Variants in MYH4 observed in about 807,000 individuals in gnomAD.
MYH4 encodes myosin-4.
A neutral mutation model predicts 229.9 loss-of-function variants in MYH4; 200 were observed. The ratio of observed to expected loss-of-function variants is 0.87; its 90% CI spans 0.78 to 0.98. The LOEUF is 0.98. Among genes scored for constraint, MYH4 ranks in the 50% least tolerant of loss-of-function variants. The pLI is 0.00. For synonymous variants in MYH4, 761 were observed against 834.6 expected, an observed-to-expected ratio of 0.91 and a Z score of 1.52; for missense variants, 2,148 against 2,332.6, an observed-to-expected ratio of 0.92 and a Z score of 1.63.
Position 10,449,016 on chromosome 17 carries a change from C to T in MYH4, c.4213G>A (p.Glu1405Lys). The change falls in exon 31 of 40, where the codon GAA becomes AAA. Residue 1405 changes from glutamate to lysine, a missense_variant. Glu to Lys is a moderately conservative substitution (Grantham distance 56). Coordinates refer to ENST00000255381, the MANE Select transcript of MYH4 (RefSeq NM_017533.2). The part of the protein sequence containing the change: ...KKLAQRLQDA[E>K]EHVEAVNSKC... ...GAATTCACAGCTTCTACATGTTCTT[C>T]TGCATCCTGCAGACGCTGGGCTAGC... 6.2e-7 allele frequency: 1 copy of T among 1,614,136 alleles called. No homozygotes were observed. Among genetic ancestry groups the T allele is most frequent in the Non-Finnish European group, 8.5e-7 (1 of 1,180,020 alleles).
Position 10,453,270 on chromosome 17 carries a change from T to C in MYH4, c.2993A>G (p.Lys998Arg), listed in dbSNP as rs747202653. 5.5e-5 allele frequency: 89 copies of C among 1,613,974 alleles called. No homozygotes were observed. In the South Asian group the frequency reaches 9.3e-4, roughly 17 times the overall value. ...GLDETIAKLT[K>R]EKKALQEAHQ... Reference sequence around the variant, plus strand: ...GGCCTCCTGGAGAGCCTTCTTCTCCTTGGTCAGCTTAGCAATGGTTTCATC... The same window carrying C: ...GGCCTCCTGGAGAGCCTTCTTCTCCCTGGTCAGCTTAGCAATGGTTTCATC... Residue 998 changes from lysine to arginine, a missense_variant, in exon 24 of 40, where the codon AAG (lysine) becomes AGG (arginine). Transcript: ENST00000255381.
In MYH4 at chr17:10,448,260, T is replaced by C. The variant is rs73275420; in HGVS notation, c.4657-134A>G. ...CTTAATGTAGCCTATTAGCTCTGCA[T>C]TCTCAAGGTACAATTCAGTATTTTT... On this transcript the variant is annotated intron_variant, in intron 33 of 39. Transcript: ENST00000255381. The C allele has an allele frequency of 3.8e-3, 4,985 of 1,311,580 alleles. 152 individuals carry two copies. In the African/African-American group the frequency reaches 0.066, roughly 17 times the overall value. The allele number at this position is 1,311,580 out of a possible 1,614,324, so 81.2% of individuals were successfully genotyped here. A position where few individuals can be genotyped will look rare whatever the true frequency, so the allele number is the denominator to read the frequency against.
At position 10,448,731 on chromosome 17, in the gene MYH4, G is replaced by T. The variant is rs774759925; in HGVS notation, c.4418C>A (p.Ala1473Asp). Residue 1473 changes from alanine (A) to aspartate (D), a missense_variant, in exon 32 of 40, where the codon GCC becomes GAC. Physicochemically the swap from Ala to Asp is moderately radical, Grantham distance 126. Coordinates refer to ENST00000255381, the MANE Select transcript of MYH4 (RefSeq NM_017533.2). ...GAGAGAACGCGACTCCTTCTGGGAG[G>T]CCTCAAGTTCAGCCTGAGTTTCCTC... is the stretch of plus-strand genomic sequence containing the variant. ...KYEETQAELEASQKESRSLST... is the reference protein window; with the variant it reads ...KYEETQAELEDSQKESRSLST... 1.2e-6 allele frequency: 2 copies of T among 1,614,072 alleles called. No homozygotes were observed. The highest frequency in any genetic ancestry group is 1.7e-6 in the Non-Finnish European group (2 of 1,180,006).
In MYH4 at chr17:10,460,146, A is replaced by T. The variant is rs1376790092; in HGVS notation, c.1267-45T>A. On this transcript the variant is annotated intron_variant, in intron 13 of 39. Coordinates refer to ENST00000255381, the MANE Select transcript of MYH4 (RefSeq NM_017533.2). ...TTAGTTTTTTAAATTGAAAACAGTG[A>T]TGAACTCCTGAGTCACTTGCGGTTC... 2.5e-6 allele frequency: 4 copies of T among 1,613,752 alleles called. No individual in the cohort carries two copies. In the African/African-American group the frequency reaches 5.3e-5, roughly 22 times the overall value.
intron 35 of MYH4, among the ~76,000 whole-genome samples, chr17:10,446,790 A>T (rs2072516175): frequency 1.3e-5 from 2 of 152,316 alleles, no homozygotes; most frequent in South Asian, 4.1e-4. Flanking sequence ...TTTAAATAAA[A>T]GTTTCTAGAA....
chr17:10,452,842 C>T lies in MYH4; in HGVS notation c.3202G>A (p.Glu1068Lys), dbSNP rs2072593263. 2 of 1,609,224 alleles carry T rather than the reference C, an allele frequency of 1.2e-6. No homozygotes were observed. The highest frequency in any genetic ancestry group is 8.5e-7 in the Non-Finnish European group (1 of 1,179,270). The change falls in exon 25 of 40, where the codon GAA (glutamate) becomes AAA (lysine). Residue 1068 changes from glutamate (E) to lysine (K), a missense_variant. By Grantham distance (56) the Glu-to-Lys change is moderately conservative. Coordinates refer to ENST00000255381, the MANE Select transcript of MYH4 (RefSeq NM_017533.2). ...KLEGDLKLAQ[E>K]STMDTENDKQ... ...TCATTTTCTGTATCCATTGTGGATT[C>T]TTGGGCCAATTTTAGGTCACCCTCC...
Position 10,460,241 on chromosome 17 carries a change from C to G in MYH4, c.1228G>C (p.Gly410Arg), listed in dbSNP as rs371420534. 6.2e-7 allele frequency: 1 copy of G among 1,613,924 alleles called. No homozygotes were observed. Among genetic ancestry groups the G allele is most frequent in the African/African-American group, 1.3e-5 (1 of 74,908 alleles). ...KSLCYPRVKV[G>R]NEFVTKGQTV... ...TGGCCTTTGGTTACGAACTCATTGC[C>G]GACCTTGACTCTGGGATAGCAGAGA... Residue 410 changes from glycine to arginine, a missense_variant, in exon 13 of 40, where the codon GGC becomes CGC. Transcript: ENST00000255381.
Position 10,463,566 on chromosome 17 carries a change from G to A in MYH4, c.726C>T (p.Asp242=). Residue 242 remains aspartate, a synonymous_variant, in exon 8 of 40, where the codon GAC becomes GAT. Transcript: ENST00000255381. ...AFGNAKTVRN[D]NSSRFGKFIR... is the part of the protein sequence containing the mutation. ...AGAGACTTACAAAGCGAGAGGAGTT[G>A]TCATTCCTCACGGTCTTGGCATTGC... 6.2e-7 allele frequency: 1 copy of A among 1,612,712 alleles called. No homozygotes were observed. Among genetic ancestry groups the A allele is most frequent in the Non-Finnish European group, 8.5e-7 (1 of 1,178,690 alleles).
At chr17:10,450,255 G>C (rs560669312) in intron 30 of MYH4, among the ~76,000 whole-genome samples, 198 bp downstream of exon 30, 2 of 152,128 alleles carry the variant, frequency 1.3e-5, no homozygotes, top group Admixed American at 1.3e-4. Context: ...ATGGGTGGAG[G>C]GATCTGGTCT....
At position 10,450,898 on chromosome 17, in the gene MYH4, G is replaced by C. The variant is rs766445295; in HGVS notation, c.3866-3C>G. 2.5e-6 allele frequency: 4 copies of C among 1,602,944 alleles called. No individual in the cohort carries two copies. The highest frequency in any genetic ancestry group is 2.6e-6 in the Non-Finnish European group (3 of 1,170,140). Reference sequence around the variant, plus strand: ...ATCTAGCTGTCGTGAAAACTCACCTGTGGAAGACAAAACATCAATGATTTA... The same window carrying C: ...ATCTAGCTGTCGTGAAAACTCACCTCTGGAAGACAAAACATCAATGATTTA... On this transcript the variant is annotated splice_region_variant and splice_polypyrimidine_tract_variant and intron_variant, in intron 28 of 39. Coordinates refer to ENST00000255381, the MANE Select transcript of MYH4 (RefSeq NM_017533.2).
At chr17:10,450,721 A>C (rs2072563514) in intron 29 of MYH4, 56 bp downstream of exon 29, 1 of 1,610,004 alleles carries the variant, frequency 6.2e-7, no homozygotes, top group Admixed American at 1.7e-5. Context: ...AAAGTTCAAT[A>C]GTGTGTTATG....
chr17:10,460,108 C>G lies in MYH4; in HGVS notation c.1267-7G>C. ...CACCCACTGCATTGTACACCTTCAA[C>G]AGAAGTGATAGTTTAGTTTTTTAAA... is the stretch of plus-strand genomic sequence containing the variant. On this transcript the variant is annotated splice_region_variant and splice_polypyrimidine_tract_variant and intron_variant, in intron 13 of 39. Transcript: ENST00000255381. 1 of 1,614,194 alleles carries G rather than the reference C, an allele frequency of 6.2e-7. No homozygotes were observed. The highest frequency in any genetic ancestry group is 1.1e-5 in the South Asian group (1 of 91,090).
At position 10,450,820 on chromosome 17, in the gene MYH4, T is replaced by C; in HGVS notation, c.3941A>G (p.Gln1314Arg). Residue 1314 changes from glutamine (Q) to arginine (R), a missense_variant, in exon 29 of 40, where the codon CAA becomes CGA. Physicochemically the swap from Gln to Arg is conservative, Grantham distance 43. Coordinates refer to ENST00000255381, the MANE Select transcript of MYH4 (RefSeq NM_017533.2). ...QLSRGKQAFT[Q>R]QIEELKRQLE... ...CTGCCTCTTTAATTCTTCAATCTGT[T>C]GTGTAAATGCTTGTTTGCCTCGGGA... 1.2e-6 allele frequency: 2 copies of C among 1,614,156 alleles called. No individual in the cohort carries two copies. The highest frequency in any genetic ancestry group is 1.7e-6 in the Non-Finnish European group (2 of 1,180,004).
Position 10,464,714 on chromosome 17 carries a change from A to C in MYH4, c.506-6T>G, listed in dbSNP as rs750196142. On this transcript the variant is annotated splice_polypyrimidine_tract_variant and splice_region_variant and intron_variant, in intron 5 of 39. Transcript: ENST00000255381. Reference sequence around the variant, plus strand: ...GATTGACTGGTTTTCACGATCTGTAAAAGAGAAGCCAAAGATAATATTTAG... The same window carrying C: ...GATTGACTGGTTTTCACGATCTGTACAAGAGAAGCCAAAGATAATATTTAG... The C allele has an allele frequency of 5.0e-6, 8 of 1,612,770 alleles. No homozygotes were observed. The highest frequency in any genetic ancestry group is 6.8e-6 in the Non-Finnish European group (8 of 1,178,954).
At chr17:10,453,440 C>A in intron 23 of MYH4, 112 bp from the exon 24 acceptor site, 1 of 1,580,550 alleles carries the variant, frequency 6.3e-7, no homozygotes, top group East Asian at 2.2e-5. Flanking sequence ...AAATGAGAAC[C>A]AGGAGCTAAC....
rs533043596 is a variant in MYH4 at position 10,455,213 on chromosome 17, T to C, written c.2257A>G (p.Ile753Val). 2.5e-6 allele frequency: 4 copies of C among 1,614,222 alleles called. No individual in the cohort carries two copies. The highest frequency in any genetic ancestry group is 2.7e-5 in the African/African-American group (2 of 75,058). The change falls in exon 20 of 40, where the codon ATT becomes GTT. Residue 753 changes from isoleucine (I) to valine (V), a missense_variant. Physicochemically the swap from Ile to Val is conservative, Grantham distance 29. Coordinates refer to ENST00000255381, the MANE Select transcript of MYH4 (RefSeq NM_017533.2). ...TTGTACTGGGTGTGGTCAATTTCAATAGACCCTAGAAGTTTCTCAGAAGCC... is the reference window on the plus strand; with the variant it reads ...TTGTACTGGGTGTGGTCAATTTCAACAGACCCTAGAAGTTTCTCAGAAGCC... ...KKASEKLLGSIEIDHTQYKFG... is the reference protein window; with the variant it reads ...KKASEKLLGSVEIDHTQYKFG...
chr17:10,465,389 A>G lies in MYH4; in HGVS notation c.505+53T>C, dbSNP rs1014273953. On this transcript the variant is annotated intron_variant, in intron 5 of 39. Transcript: ENST00000255381. Reference sequence around the variant, plus strand: ...ATACTAGCCCTATGTTTTTTCTGATATCAGTATACAACTATTTTACAAATG... The same window carrying G: ...ATACTAGCCCTATGTTTTTTCTGATGTCAGTATACAACTATTTTACAAATG... 4 of 1,594,260 alleles carry G rather than the reference A, an allele frequency of 2.5e-6. No homozygotes were observed. The African/African-American group carries it at 4.0e-5, about 16-fold the overall frequency.
rs138320557 is a variant in MYH4 at position 10,462,906 on chromosome 17, C to T, written c.967G>A (p.Val323Met). The change falls in exon 11 of 40, where the codon GTG (valine) becomes ATG (methionine). Residue 323 changes from valine to methionine, a missense_variant. By Grantham distance (21) the Val-to-Met change is conservative (BLOSUM62 1). Transcript: ENST00000255381. ...FAFVSQGEIT[V>M]PSIDDQEELM... ...TCTTCCTGGTCATCAATGCTGGGCA[C>T]AGTAATTTCCCCTTGGCTGACAAAT... 78 of 1,614,082 alleles carry T rather than the reference C, an allele frequency of 4.8e-5. No individual in the cohort carries two copies. In the African/African-American group the frequency reaches 9.2e-4, roughly 19 times the overall value.
At position 10,450,543 on chromosome 17, in the gene MYH4, C is replaced by T. The variant is rs1360551263; in HGVS notation, c.4091G>A (p.Gly1364Glu). 6.2e-7 allele frequency: 1 copy of T among 1,614,074 alleles called. No homozygotes were observed. The highest frequency in any genetic ancestry group is 8.5e-7 in the Non-Finnish European group (1 of 1,180,024). ...AACCTCACTGTTGGCCTTGGACATT[C>T]CCCTCTGCAGCTCAGCCTTGGCTTC... Reference protein sequence around the residue: ...EQEAKAELQRGMSKANSEVAQ... With the variant: ...EQEAKAELQREMSKANSEVAQ... The change falls in exon 30 of 40, where the codon GGA becomes GAA. Residue 1364 changes from glycine (G) to glutamate (E), a missense_variant. Transcript: ENST00000255381.
Sources: allele counts gnomAD v4.1 joint callset (sites outside exome capture counted in the v4.1 genomes callset), GRCh38; gene constraint gnomAD v4.1.1; transcripts MANE v1.5; gene names NCBI Gene and HGNC (gene_info 2026-07-23, HGNC 2026-07-21).